The following RAB27B variants were observed in gnomAD, a reference collection of about 807,000 sequenced individuals.
The protein encoded by RAB27B is RAB27B, member RAS oncogene family, also known as ras-related protein Rab-27B.
A neutral mutation model predicts 24.6 loss-of-function variants in RAB27B; 15 were observed. That is an observed-to-expected ratio of 0.61 (90% CI 0.41 to 0.94). The LOEUF (loss-of-function observed/expected upper bound fraction) is 0.94, where lower values mean the gene tolerates loss of function less well. Ranked by LOEUF, RAB27B falls within the 40% of genes least tolerant of loss-of-function variation. The pLI is 0.00. For missense variants in RAB27B, 261 were observed against 266.8 expected (o/e 0.98, Z 0.15); for synonymous variants, 105 against 92.5 (o/e 1.14, Z -0.78).
chr18:54,809,324 A>G (rs1598920618), intron 2 of RAB27B, among the ~76,000 whole-genome samples: 1 of 152,136 alleles, frequency 6.6e-6, no homozygotes, highest in East Asian at 1.9e-4. Flanking sequence ...TCTGAAGTCT[A>G]CCACCAGTAG....
chr18:54,741,045 C>T (rs1331968150), intron 2 of RAB27B, among the ~76,000 whole-genome samples: 1 of 152,110 alleles, frequency 6.6e-6, no homozygotes, highest in Non-Finnish European at 1.5e-5. Context: ...TTCCGGAAGT[C>T]ATGGATACTA....
chr18:54,809,862 G>T (rs568869737), intron 2 of RAB27B, among the ~76,000 whole-genome samples: 133 of 152,124 alleles, frequency 8.7e-4, no homozygotes, highest in Non-Finnish European at 1.8e-3. Context: ...TTGCTTTGTA[G>T]ACAATATACG....
chr18:54,768,539 C>G (rs1183211700), intron 2 of RAB27B, among the ~76,000 whole-genome samples: 4 of 152,136 alleles, frequency 2.6e-5, no homozygotes, highest in Non-Finnish European at 1.5e-5. Context: ...CATCACTAAA[C>G]TACCTTCTCA....
chr18:54,771,591 AGT>A (rs36228307), intron 2 of RAB27B, among the ~76,000 whole-genome samples: 28,255 of 144,386 alleles, frequency 0.2, 2,975 homozygotes, highest in Middle Eastern at 0.32. Flanking sequence ...CTGATAGTTT[AGT>A]GTGTGTGTGT....
At chr18:54,862,484 G>A (rs1912046420) in intron 1 of RAB27B, among the ~76,000 whole-genome samples, 1 of 152,278 alleles carries the variant, frequency 6.6e-6, no homozygotes, top group African/African-American at 2.4e-5. Flanking sequence ...TTCTACACTG[G>A]AATTGGGTGC....
chr18:54,817,281 GA>G (rs1372887416), intron 2 of RAB27B, among the ~76,000 whole-genome samples: 7 of 152,148 alleles, frequency 4.6e-5, no homozygotes, highest in Admixed American at 3.9e-4. Flanking sequence ...GAACATATAA[GA>G]TCAAAGATGA....
intron 1 of RAB27B, among the ~76,000 whole-genome samples, chr18:54,870,201 A>G (rs1288746015): frequency 6.6e-6 from 1 of 152,216 alleles, no homozygotes; most frequent in Non-Finnish European, 1.5e-5. Context: ...AAAATTAGAT[A>G]AAATATAAGA....
intron 1 of RAB27B, among the ~76,000 whole-genome samples, chr18:54,861,088 C>T (rs1355308928): frequency 1.3e-5 from 2 of 152,050 alleles, no homozygotes; most frequent in Non-Finnish European, 1.5e-5. Flanking sequence ...TTCAACTTCC[C>T]CACATCTCAG....
At chr18:54,792,311 G>A (rs1485499085) in intron 2 of RAB27B, among the ~76,000 whole-genome samples, 1 of 152,082 alleles carries the variant, frequency 6.6e-6, no homozygotes, top group African/African-American at 2.4e-5. Context: ...CCTTTGAGGG[G>A]AACAAGGGAA....
intron 2 of RAB27B, among the ~76,000 whole-genome samples, chr18:54,783,131 TA>T (rs1908968864): frequency 6.6e-6 from 1 of 151,490 alleles, no homozygotes; most frequent in African/African-American, 2.4e-5. Flanking sequence ...CTAATTTTTT[TA>T]AAATTTTTTT....
intron 2 of RAB27B, among the ~76,000 whole-genome samples, chr18:54,736,417 A>G (rs907863357): frequency 1.3e-5 from 2 of 152,110 alleles, no homozygotes; most frequent in Admixed American, 1.3e-4. Context: ...TCATTAGCAA[A>G]ATGAAAGTCT....
intron 1 of RAB27B, among the ~76,000 whole-genome samples, chr18:54,834,347 A>G (rs1910809591): frequency 6.6e-6 from 1 of 152,148 alleles, no homozygotes; most frequent in Non-Finnish European, 1.5e-5. Flanking sequence ...AACCAGTAGG[A>G]AGTCTATTAT....
chr18:54,811,604 A>G (rs1050815481), intron 2 of RAB27B, among the ~76,000 whole-genome samples: 2 of 152,206 alleles, frequency 1.3e-5, no homozygotes, highest in Non-Finnish European at 2.9e-5. Flanking sequence ...AGAGGAAGCA[A>G]TCAGATATGC....
chr18:54,792,625 C>T (rs1214380882), intron 2 of RAB27B, among the ~76,000 whole-genome samples: 1 of 152,064 alleles, frequency 6.6e-6, no homozygotes, highest in Admixed American at 6.6e-5. Context: ...TTATTTGTTT[C>T]CTCTAGTTAT....
chr18:54,828,964 A>G (rs533446686), intron 1 of RAB27B, among the ~76,000 whole-genome samples: 3 of 152,338 alleles, frequency 2.0e-5, no homozygotes, highest in African/African-American at 7.2e-5. Context: ...CACCAAAAAA[A>G]GCAAAAAGAA....
At chr18:54,820,613 T>G (rs1470233760) in intron 2 of RAB27B, among the ~76,000 whole-genome samples, 2 of 152,104 alleles carry the variant, frequency 1.3e-5, no homozygotes, top group African/African-American at 4.8e-5. Context: ...AGAAGCTCTT[T>G]AGTTTAATTA....
chr18:54,743,869 G>T (rs996589930), intron 2 of RAB27B, among the ~76,000 whole-genome samples: 1 of 152,196 alleles, frequency 6.6e-6, no homozygotes, highest in Non-Finnish European at 1.5e-5. Flanking sequence ...GTTCACTTGA[G>T]TGCCCTTAGG....
intron 1 of RAB27B, among the ~76,000 whole-genome samples, chr18:54,876,178 G>A (rs1045924891): frequency 2.6e-5 from 4 of 152,072 alleles, no homozygotes; most frequent in Admixed American, 1.3e-4. Flanking sequence ...AAAACCATCA[G>A]ATCTCATGAG....
At chr18:54,865,070 G>A (rs936902135) in intron 1 of RAB27B, among the ~76,000 whole-genome samples, 35 of 152,154 alleles carry the variant, frequency 2.3e-4, no homozygotes, top group African/African-American at 8.4e-4. Flanking sequence ...ATAGAATAAT[G>A]ATAGAACAGT....
Sources: allele counts gnomAD v4.1 joint callset (sites outside exome capture counted in the v4.1 genomes callset), GRCh38; gene constraint gnomAD v4.1.1; transcripts MANE v1.5; gene names NCBI Gene and HGNC (gene_info 2026-07-23, HGNC 2026-07-21).